The following PPM1L variants were observed in gnomAD, a reference collection of about 807,000 sequenced individuals.
PPM1L encodes protein phosphatase 1L.
Under a neutral mutation model 31.4 loss-of-function variants are expected in PPM1L, and 13 were observed. The ratio of observed to expected loss-of-function variants is 0.41; its 90% CI spans 0.27 to 0.66. The LOEUF is 0.66. Ranked by LOEUF, PPM1L falls within the 30% of genes least tolerant of loss-of-function variation. The probability of loss-of-function intolerance (pLI) is 0.29; values close to 1 mark genes in which losing one functional copy is unlikely to be tolerated. For synonymous variants in PPM1L, 184 were observed against 175.4 expected, an observed-to-expected ratio of 1.05 and a Z score of -0.39; for missense variants, 326 against 453.7, an observed-to-expected ratio of 0.72 and a Z score of 2.56.
intron 1 of PPM1L, among the ~76,000 whole-genome samples, chr3:160,911,934 G>A (rs1713986469): frequency 6.6e-6 from 1 of 152,180 alleles, no homozygotes; most frequent in South Asian, 2.1e-4. Flanking sequence ...CCTGAGAGTA[G>A]TTTGTATCTC....
At chr3:160,858,724 A>G (rs1711801422) in intron 1 of PPM1L, among the ~76,000 whole-genome samples, 1 of 152,206 alleles carries the variant, frequency 6.6e-6, no homozygotes, top group Non-Finnish European at 1.5e-5. Context: ...ATTCAAGAGT[A>G]TCTACATGGG....
At chr3:161,063,935 C>T (rs1719649230) in intron 2 of PPM1L, among the ~76,000 whole-genome samples, 1 of 152,066 alleles carries the variant, frequency 6.6e-6, no homozygotes, top group African/African-American at 2.4e-5. Context: ...AACCAAACAC[C>T]ACATGTTCTC....
intron 2 of PPM1L, among the ~76,000 whole-genome samples, chr3:161,011,577 G>A (rs1717896427): frequency 6.6e-6 from 1 of 151,564 alleles, no homozygotes; most frequent in Non-Finnish European, 1.5e-5. Flanking sequence ...GCTTGATGGG[G>A]ATGGCATTGA....
intron 1 of PPM1L, among the ~76,000 whole-genome samples, chr3:160,757,740 G>GC (rs1714852613): frequency 6.6e-6 from 1 of 152,224 alleles, no homozygotes; most frequent in African/African-American, 2.4e-5. Flanking sequence ...CCTTTTGGCA[G>GC]CATACTTTTC....
At chr3:160,774,789 G>C (rs922871209) in intron 1 of PPM1L, among the ~76,000 whole-genome samples, 3 of 152,136 alleles carry the variant, frequency 2.0e-5, no homozygotes, top group African/African-American at 7.2e-5. Context: ...GGTCATGTCA[G>C]CTCTCTCCTT....
intron 1 of PPM1L, among the ~76,000 whole-genome samples, chr3:160,765,645 G>T (rs1715084711): frequency 6.6e-6 from 1 of 152,152 alleles, no homozygotes; most frequent in African/African-American, 2.4e-5. Flanking sequence ...ATTTTTGCCT[G>T]TTGGCTCATG....
At chr3:160,878,090 T>G (rs937147882) in intron 1 of PPM1L, among the ~76,000 whole-genome samples, 4 of 152,206 alleles carry the variant, frequency 2.6e-5, no homozygotes, top group Non-Finnish European at 4.4e-5. Context: ...ACTATCTGCC[T>G]AAATAATTTC....
intron 1 of PPM1L, among the ~76,000 whole-genome samples, chr3:160,778,303 C>A (rs896527571): frequency 1.3e-5 from 2 of 151,942 alleles, no homozygotes; most frequent in African/African-American, 2.4e-5. Flanking sequence ...AGATAATTTG[C>A]TAATACTTTC....
intron 1 of PPM1L, among the ~76,000 whole-genome samples, chr3:160,937,493 G>C (rs996073430): frequency 6.6e-6 from 1 of 152,064 alleles, no homozygotes; most frequent in Non-Finnish European, 1.5e-5. Context: ...GGTGGTGGGC[G>C]CCTGTAGTCC....
intron 1 of PPM1L, among the ~76,000 whole-genome samples, chr3:160,871,353 G>C (rs749273593): frequency 1.6e-4 from 22 of 141,846 alleles, no homozygotes; most frequent in Non-Finnish European, 3.0e-4. Flanking sequence ...AGAGTAGAAA[G>C]GTGATACATT....
intron 1 of PPM1L, among the ~76,000 whole-genome samples, chr3:160,770,279 C>G (rs1305467616): frequency 6.6e-6 from 1 of 152,046 alleles, no homozygotes; most frequent in Admixed American, 6.6e-5. Flanking sequence ...CTAGAACTAA[C>G]AGAACAATAT....
intron 1 of PPM1L, among the ~76,000 whole-genome samples, chr3:160,877,068 A>G (rs539739249): frequency 6.6e-6 from 1 of 152,286 alleles, no homozygotes; most frequent in East Asian, 1.9e-4. Context: ...AAGGCTTTGC[A>G]TTTTTTAAAA....
rs1465214453 is a variant in PPM1L at position 161,076,603 on chromosome 3, AT to A, written c.*7450del. 1.3e-5 allele frequency: 2 copies of A among 152,174 alleles called. No individual in the cohort carries two copies. Among genetic ancestry groups the A allele is most frequent in the Non-Finnish European group, 2.9e-5 (2 of 68,034 alleles). 9.4% of individuals were successfully genotyped at this position (152,174 alleles called of 1,614,324 possible). On this transcript the variant is annotated 3_prime_UTR_variant, in exon 4 of 4. Transcript: ENST00000498165. ...TACTCTTCAATTACTAAAGCAAATG[AT>A]TTTGATTTATAGCACTTACACAACT... is the stretch of plus-strand genomic sequence containing the variant.
In PPM1L at chr3:161,070,924, TC is replaced by T. The variant is rs979298503; in HGVS notation, c.*1770del. On this transcript the variant is annotated 3_prime_UTR_variant, in exon 4 of 4. Coordinates refer to ENST00000498165, the MANE Select transcript of PPM1L (RefSeq NM_139245.4). Reference sequence around the variant, plus strand: ...ACTGCACTGAGAATTGCTAATGATTTCCCATGAGATTTGCTTACTTTTGTAT... The same window carrying T: ...ACTGCACTGAGAATTGCTAATGATTTCCATGAGATTTGCTTACTTTTGTAT... The T allele has an allele frequency of 6.6e-6, 1 of 152,208 alleles. No homozygotes were observed. Among genetic ancestry groups the T allele is most frequent in the Non-Finnish European group, 1.5e-5 (1 of 68,040 alleles). The allele number at this position is 152,208 out of a possible 1,614,324, so 9.4% of individuals were successfully genotyped here. A position where few individuals can be genotyped will look rare whatever the true frequency, so the allele number is the denominator to read the frequency against.
chr3:160,910,246 T>TTTCCCCTTCCCCTTTCCCC (rs1713916034), intron 1 of PPM1L, among the ~76,000 whole-genome samples: 44 of 20,778 alleles, frequency 2.1e-3, no homozygotes, highest in African/African-American at 7.8e-3. Flanking sequence ...TCCCCTTTCC[T>TTTCCCCTTCCCCTTTCCCC]TTCCCCTTCC....
At chr3:160,902,489 T>A (rs1445681515) in intron 1 of PPM1L, among the ~76,000 whole-genome samples, 3 of 152,134 alleles carry the variant, frequency 2.0e-5, no homozygotes, top group African/African-American at 7.2e-5. Context: ...AGAGATGTTA[T>A]CAAGATAACA....
intron 1 of PPM1L, among the ~76,000 whole-genome samples, chr3:160,828,045 C>G (rs986942957): frequency 1.3e-5 from 2 of 151,934 alleles, no homozygotes; most frequent in Admixed American, 1.3e-4. Flanking sequence ...ACCCAGCCTC[C>G]CTCATGAGGG....
rs559674050 is a variant in PPM1L, at chr3:160,817,728, A to G, written c.399+61021A>G. 5.1e-4 allele frequency among the ~76,000 whole-genome samples: 77 copies of G among 152,178 alleles called. 2 individuals carry two copies. The South Asian group carries it at 0.016, about 31-fold the overall frequency. On this transcript the variant is annotated intron_variant, in intron 1 of 3. Coordinates refer to ENST00000498165, the MANE Select transcript of PPM1L (RefSeq NM_139245.4). The stretch of plus-strand genomic sequence containing the variant: ...AAAGGTGACTGAAGATCTATGCTTT[A>G]GTTGCTGAGAGAGCTGTGGTGCCAT...
At chr3:160,798,935 G>A (rs1256094834) in intron 1 of PPM1L, among the ~76,000 whole-genome samples, 1 of 152,166 alleles carries the variant, frequency 6.6e-6, no homozygotes, top group East Asian at 1.9e-4. Flanking sequence ...ACATTAACAG[G>A]AGTTTGGAAG....
Sources: gnomAD v4.1 joint callset for allele counts (sites outside exome capture counted in the v4.1 genomes callset) on GRCh38, gnomAD v4.1.1 for gene constraint, MANE v1.5 for transcripts, NCBI Gene and HGNC (gene_info 2026-07-23, HGNC 2026-07-21) for gene names.